Variants in NWD2 observed in about 807,000 individuals in gnomAD.
The protein encoded by NWD2 is NACHT and WD repeat domain-containing protein 2.
A neutral mutation model predicts 132.7 loss-of-function variants in NWD2; 37 were observed. That is an observed-to-expected ratio of 0.28 (90% CI 0.21 to 0.37). The LOEUF is 0.37. Among genes scored for constraint, NWD2 ranks in the 10% least tolerant of loss-of-function variants. The pLI is 1.00. For missense variants in NWD2, 1,592 were observed against 2,122.4 expected (o/e 0.75, Z 4.91); for synonymous variants, 705 against 803.0 (o/e 0.88, Z 2.06).
chr4:37,408,053 G>T (rs1207900431), intron 3 of NWD2, among the ~76,000 whole-genome samples: 1 of 152,202 alleles, frequency 6.6e-6, no homozygotes, highest in Non-Finnish European at 1.5e-5. Flanking sequence ...TCCCTCCATT[G>T]TCTACTCCAT....
chr4:37,374,155 A>G (rs774038933), intron 3 of NWD2, among the ~76,000 whole-genome samples: 1 of 152,204 alleles, frequency 6.6e-6, no homozygotes, highest in Non-Finnish European at 1.5e-5. Context: ...CCCCATAGTA[A>G]TCAGTGAGTT....
intron 1 of NWD2, among the ~76,000 whole-genome samples, chr4:37,324,159 G>A (rs1719125308): frequency 6.6e-6 from 1 of 151,874 alleles, no homozygotes; most frequent in African/African-American, 2.4e-5. Flanking sequence ...TAAAATAAGA[G>A]TTGAAATTAA....
intron 2 of NWD2, among the ~76,000 whole-genome samples, chr4:37,351,126 T>C (rs1719752148): frequency 6.6e-6 from 1 of 152,214 alleles, no homozygotes; most frequent in African/African-American, 2.4e-5. Context: ...GTCAGGGATA[T>C]TGGCATGAAA....
At chr4:37,427,784 C>T (rs547838494) in intron 3 of NWD2, among the ~76,000 whole-genome samples, 1 of 152,118 alleles carries the variant, frequency 6.6e-6, no homozygotes, top group Non-Finnish European at 1.5e-5. Flanking sequence ...CTTCAGTAAA[C>T]CAGTTATATG....
rs1185727400 is a variant in NWD2, at chr4:37,445,793, A to G, written c.3805A>G (p.Ser1269Gly). ...WRRDTGQCMA[S>G]LQEISGSIVK... ...GCGGGACACAGGACAGTGTATGGCA[A>G]GCTTGCAGGAAATCTCAGGTTCCAT... The change falls in exon 7 of 7, where the codon AGC becomes GGC. Residue 1269 changes from serine to glycine, a missense_variant. Ser to Gly is a moderately conservative substitution (Grantham distance 56). This residue lies in a region of NWD2 where 1,071 missense variants were observed against 1,398.0 expected (regional missense o/e 0.77). Transcript: ENST00000309447. The surrounding 1 kb of genome is among the most constrained non-coding windows in gnomAD (Gnocchi z 4.7). 1 of 1,551,964 alleles carries G rather than the reference A, an allele frequency of 6.4e-7. No individual in the cohort carries two copies. Among genetic ancestry groups the G allele is most frequent in the Admixed American group, 2.0e-5 (1 of 51,002 alleles).
At chr4:37,440,455 C>A (rs752811966) in intron 6 of NWD2, among the ~76,000 whole-genome samples, 2 of 152,146 alleles carry the variant, frequency 1.3e-5, no homozygotes, top group Non-Finnish European at 2.9e-5. Flanking sequence ...AGTCACTCAG[C>A]CTTCATGGTT....
intron 3 of NWD2, among the ~76,000 whole-genome samples, chr4:37,357,674 C>T (rs1392050327): frequency 6.6e-6 from 1 of 152,046 alleles, no homozygotes; most frequent in Non-Finnish European, 1.5e-5. Context: ...CCGGAGCTTA[C>T]ATTCTAATGT....
chr4:37,318,941 C>A (rs1183591216), intron 1 of NWD2, among the ~76,000 whole-genome samples: 1 of 152,132 alleles, frequency 6.6e-6, no homozygotes, highest in Non-Finnish European at 1.5e-5. Context: ...GATGAAAATG[C>A]AAATGCATCT....
chr4:37,311,312 T>G (rs1718837086), intron 1 of NWD2, among the ~76,000 whole-genome samples: 1 of 152,168 alleles, frequency 6.6e-6, no homozygotes, highest in Admixed American at 6.5e-5. Flanking sequence ...CCTGACTTTT[T>G]AATGATTGCC....
intron 3 of NWD2, among the ~76,000 whole-genome samples, chr4:37,397,716 T>C (rs1577690279): frequency 6.6e-6 from 1 of 152,170 alleles, no homozygotes; most frequent in East Asian, 1.9e-4. Context: ...GGAAATTGCT[T>C]GACGAAGGAA....
intron 2 of NWD2, among the ~76,000 whole-genome samples, chr4:37,344,137 G>A (rs1719584581): frequency 6.6e-6 from 1 of 152,102 alleles, no homozygotes; most frequent in South Asian, 2.1e-4. Flanking sequence ...GCAGTGCCTG[G>A]ACATTAGGCT....
chr4:37,363,844 C>T (rs1720031225), intron 3 of NWD2, among the ~76,000 whole-genome samples: 1 of 152,100 alleles, frequency 6.6e-6, no homozygotes, highest in African/African-American at 2.4e-5. Flanking sequence ...AAGCAGACGG[C>T]CGGGCGCAGT....
At chr4:37,352,286 A>T (rs1271394779) in intron 2 of NWD2, among the ~76,000 whole-genome samples, 1 of 150,206 alleles carries the variant, frequency 6.7e-6, no homozygotes, top group Non-Finnish European at 1.5e-5. Context: ...GATATTAAAG[A>T]CTCCCGCTAT....
At chr4:37,287,348 G>T (rs534971046) in intron 1 of NWD2, among the ~76,000 whole-genome samples, 11 of 152,284 alleles carry the variant, frequency 7.2e-5, no homozygotes, top group African/African-American at 2.6e-4. Context: ...TTGCGACGGG[G>T]GGCAGCAGCC....
At chr4:37,363,769 G>A (rs1003386414) in intron 3 of NWD2, among the ~76,000 whole-genome samples, 1 of 152,128 alleles carries the variant, frequency 6.6e-6, no homozygotes, top group African/African-American at 2.4e-5. Flanking sequence ...ATGCAATACA[G>A]CCAGGTAACA....
chr4:37,256,974 A>G (rs997743953), intron 1 of NWD2, among the ~76,000 whole-genome samples: 8 of 152,194 alleles, frequency 5.3e-5, no homozygotes, highest in African/African-American at 1.9e-4. Context: ...GATTTGGCCA[A>G]TAGAATATAG....
At chr4:37,436,864 G>A (rs1712337299) in intron 5 of NWD2, among the ~76,000 whole-genome samples, 1 of 152,052 alleles carries the variant, frequency 6.6e-6, no homozygotes, top group South Asian at 2.1e-4. Context: ...AAGAATAGTA[G>A]ACATATGTTT....
intron 3 of NWD2, among the ~76,000 whole-genome samples, chr4:37,373,150 C>G (rs1201579681): frequency 2.0e-5 from 3 of 152,188 alleles, no homozygotes; most frequent in African/African-American, 7.2e-5. Context: ...CATGTAACCT[C>G]ACAACAGCAC....
chr4:37,389,011 A>G (rs1234604728), intron 3 of NWD2, among the ~76,000 whole-genome samples: 1 of 152,004 alleles, frequency 6.6e-6, no homozygotes, highest in Non-Finnish European at 1.5e-5. Context: ...GCTAATACTA[A>G]AAGGTGGTGA....
Sources: gnomAD v4.1 joint callset for allele counts (sites outside exome capture counted in the v4.1 genomes callset) on GRCh38, gnomAD v4.1.1 for gene constraint, gnomAD v4.1.1 regional missense constraint, Gnocchi (gnomAD v3.1) non-coding constraint, MANE v1.5 for transcripts, NCBI Gene and HGNC (gene_info 2026-07-23, HGNC 2026-07-21) for gene names.